The following CIP2A variants were observed in gnomAD, a reference collection of about 807,000 sequenced individuals.
CIP2A encodes the protein protein CIP2A.
In CIP2A, 103 loss-of-function variants were observed where a neutral mutation model predicts 110.9. The ratio of observed to expected loss-of-function variants is 0.93; its 90% CI spans 0.79 to 1.09. CIP2A has a LOEUF of 1.09. Among genes scored for constraint, CIP2A ranks in the 50% least tolerant of loss-of-function variants. CIP2A has a pLI of 0.00. For missense variants in CIP2A, 1,088 were observed against 1,038.4 expected, an observed-to-expected ratio of 1.05 and a Z score of -0.66; for synonymous variants, 381 against 361.6, an observed-to-expected ratio of 1.05 and a Z score of -0.61.
At chr3:108,554,302 AT>A in intron 18 of CIP2A, 73 bp downstream of exon 18, 1 of 586,402 alleles carries the variant, frequency 1.7e-6, no homozygotes, top group Non-Finnish European at 3.0e-6. Flanking sequence ...ATAAAAAACA[AT>A]GTTCTATATA....
rs1475437451 is a variant in CIP2A, at chr3:108,566,410, AGG to A, written c.1415+85_1415+86del. 1.3e-5 allele frequency: 13 copies of A among 1,008,230 alleles called. No individual in the cohort carries two copies. In the African/African-American group the frequency reaches 2.0e-4, roughly 16 times the overall value. 62.5% of individuals were successfully genotyped at this position (1,008,230 alleles called of 1,614,324 possible). ...CTGTTATATCTTAAGTTATAACCAAAGGATGGTCCTCCAAAAGGATGAGAATC... is the reference window on the plus strand; with the variant it reads ...CTGTTATATCTTAAGTTATAACCAAAATGGTCCTCCAAAAGGATGAGAATC... On this transcript the variant is annotated intron_variant, in intron 11 of 20. Transcript: ENST00000295746.
Position 108,581,525 on chromosome 3 carries a change from T to C in CIP2A, c.453-14A>G, listed in dbSNP as rs1395793482. On this transcript the variant is annotated splice_polypyrimidine_tract_variant and intron_variant, in intron 4 of 20. Coordinates refer to ENST00000295746, the MANE Select transcript of CIP2A (RefSeq NM_020890.3). ...TCAGAAGATTGACTGTTGTTTTACA[T>C]TGGTGTTTTGTTTAAAGAAAAAATA... 5 of 1,513,790 alleles carry C rather than the reference T, an allele frequency of 3.3e-6. No homozygotes were observed. The highest frequency in any genetic ancestry group is 1.2e-5 in the South Asian group (1 of 86,882). The allele number at this position is 1,513,790 out of a possible 1,614,324, so 93.8% of individuals were successfully genotyped here.
In CIP2A at chr3:108,550,896, A is replaced by T. The variant is rs1369988922; in HGVS notation, c.*253T>A. ...AGAAAAATGATAATGGAGGTTAAAA[A>T]TGATTTTCTAATGTAAGAACCAAAG... On this transcript the variant is annotated 3_prime_UTR_variant, in exon 21 of 21. Transcript: ENST00000295746. 8.6e-6 allele frequency: 2 copies of T among 231,604 alleles called. No homozygotes were observed. The highest frequency in any genetic ancestry group is 8.3e-6 in the Non-Finnish European group (1 of 120,906). The allele number at this position is 231,604 out of a possible 1,614,324, so 14.3% of individuals were successfully genotyped here. A position where few individuals can be genotyped will look rare whatever the true frequency, so the allele number is the denominator to read the frequency against.
intron 1 of CIP2A, chr3:108,585,519 T>C (rs1303845333): frequency 2.5e-6 from 1 of 405,978 alleles, no homozygotes. Context: ...ATTATATTTC[T>C]ATTTCCTAAG....
At chr3:108,553,363 A>G (rs1480230544) in intron 19 of CIP2A, among the ~76,000 whole-genome samples, 2 of 151,792 alleles carry the variant, frequency 1.3e-5, no homozygotes, top group Non-Finnish European at 2.9e-5. Context: ...CCTGAGCTCA[A>G]GCAATCTACC....
chr3:108,565,162 A>G (rs1437435059), intron 12 of CIP2A, among the ~76,000 whole-genome samples, 193 bp downstream of exon 12: 1 of 151,876 alleles, frequency 6.6e-6, no homozygotes, highest in Non-Finnish European at 1.5e-5. Flanking sequence ...CTTATGTTCA[A>G]TTCCTGTGAA....
rs558768273 is a variant in CIP2A at position 108,567,656 on chromosome 3, T to C, written c.1273+499A>G. On this transcript the variant is annotated intron_variant, in intron 10 of 20. Transcript: ENST00000295746. ...GTGTTGATATACTTGTCTTTTCTTA[T>C]AACCATTATTAAAGCAATTATGAAG... Among the ~76,000 whole-genome samples the C allele has an allele frequency of 5.9e-5, 9 of 152,060 alleles. 1 individual carries two copies. The South Asian group carries it at 8.3e-4, about 14-fold the overall frequency.
Position 108,584,999 on chromosome 3 carries a change from G to A in CIP2A, c.250+66C>T, listed in dbSNP as rs577273059. 3.5e-6 allele frequency: 5 copies of A among 1,413,454 alleles called. No homozygotes were observed. In the East Asian group the frequency reaches 9.3e-5, roughly 26 times the overall value. The allele number at this position is 1,413,454 out of a possible 1,614,324, so 87.6% of individuals were successfully genotyped here. A position where few individuals can be genotyped will look rare whatever the true frequency, so the allele number is the denominator to read the frequency against. ...ATTCTTTAAGAGATTCTATAACTAAGCCTGCACTTTAAAATATTGTTCATA... is the reference window on the plus strand; with the variant it reads ...ATTCTTTAAGAGATTCTATAACTAAACCTGCACTTTAAAATATTGTTCATA... On this transcript the variant is annotated intron_variant, in intron 2 of 20. Transcript: ENST00000295746.
chr3:108,585,625 T>C (rs1939019351), intron 1 of CIP2A: 2 of 453,926 alleles, frequency 4.4e-6, no homozygotes, highest in Non-Finnish European at 8.8e-6. Context: ...CTAGTACCAA[T>C]ATATTTACTA....
intron 17 of CIP2A, among the ~76,000 whole-genome samples, chr3:108,556,945 C>G (rs1937825272): frequency 6.6e-6 from 1 of 152,104 alleles, no homozygotes; most frequent in South Asian, 2.1e-4. Context: ...ACAAACTTGT[C>G]CTTGTGGAGC....
chr3:108,568,048 G>A, intron 10 of CIP2A, 107 bp downstream of exon 10: 3 of 814,842 alleles, frequency 3.7e-6, no homozygotes, highest in Non-Finnish European at 5.5e-6. Context: ...ATAAATATGA[G>A]CATAAAGTGA....
intron 5 of CIP2A, 100 bp downstream of exon 5, chr3:108,581,315 C>T (rs1938868927): frequency 3.7e-6 from 3 of 807,736 alleles, no homozygotes; most frequent in Admixed American, 2.6e-5. Context: ...ACACAGAATC[C>T]TTGTTCAAAT....
At chr3:108,562,050 C>T (rs574347457) in intron 13 of CIP2A, among the ~76,000 whole-genome samples, 4 of 151,994 alleles carry the variant, frequency 2.6e-5, no homozygotes, top group Non-Finnish European at 4.4e-5. Flanking sequence ...TGAAAAGCTT[C>T]CTGTGTATTT....
At chr3:108,569,258 T>G (rs1020180984) in intron 9 of CIP2A, 131 bp downstream of exon 9, 2 of 675,706 alleles carry the variant, frequency 3.0e-6, no homozygotes, top group Admixed American at 2.6e-5. Context: ...GCGAGTCTAG[T>G]ATGACTGTTA....
At chr3:108,584,241 G>A (rs926232204) in intron 2 of CIP2A, among the ~76,000 whole-genome samples, 9 of 152,144 alleles carry the variant, frequency 5.9e-5, no homozygotes, top group African/African-American at 1.7e-4. Flanking sequence ...CTGTAATTAA[G>A]GCACTAGGCA....
At chr3:108,579,540 G>A in intron 6 of CIP2A, 26 bp downstream of exon 6, 2 of 1,573,930 alleles carry the variant, frequency 1.3e-6, no homozygotes, top group Non-Finnish European at 1.7e-6. Context: ...ATAAACTTCA[G>A]AATAAATTTG....
chr3:108,559,571 C>CA (rs372388628), intron 16 of CIP2A, among the ~76,000 whole-genome samples, 186 bp downstream of exon 16: 104 of 149,410 alleles, frequency 7.0e-4, no homozygotes, highest in East Asian at 2.5e-3. Context: ...TACAAGGTAG[C>CA]AAAAAAAAAT....
At chr3:108,558,981 T>A (rs1937905934) in intron 16 of CIP2A, among the ~76,000 whole-genome samples, 1 of 152,056 alleles carries the variant, frequency 6.6e-6, no homozygotes, top group Non-Finnish European at 1.5e-5. Context: ...AGGGACAGGA[T>A]CATTTTACTG....
chr3:108,568,225 T>C lies in CIP2A; in HGVS notation c.1203A>G (p.Glu401=). Residue 401 remains glutamate, a synonymous_variant, in exon 10 of 21, where the codon GAA becomes GAG. Transcript: ENST00000295746. The stretch of plus-strand genomic sequence containing the variant: ...TTGTTAAAGCCTCATCTAGATTTTG[T>C]TCTGTGAACTGAAGTTGATCAAGGA... The part of the protein sequence containing the change: ...PTILDQLQFT[E]QNLDEALTRK... 1 of 1,612,472 alleles carries C rather than the reference T, an allele frequency of 6.2e-7. No homozygotes were observed. Among genetic ancestry groups the C allele is most frequent in the Non-Finnish European group, 8.5e-7 (1 of 1,178,880 alleles).
Sources: allele counts gnomAD v4.1 joint callset (sites outside exome capture counted in the v4.1 genomes callset), GRCh38; gene constraint gnomAD v4.1.1; transcripts MANE v1.5; gene names NCBI Gene and HGNC (gene_info 2026-07-23, HGNC 2026-07-21).